Variants in SORCS1 observed in about 807,000 individuals in gnomAD.
SORCS1 encodes sortilin related VPS10 domain containing receptor 1, also known as VPS10 domain-containing receptor SorCS1.
A neutral mutation model predicts 146.1 loss-of-function variants in SORCS1; 60 were observed. The ratio of observed to expected loss-of-function variants is 0.41; its 90% confidence interval spans 0.33 to 0.51. The LOEUF (loss-of-function observed/expected upper bound fraction) is 0.51. Among genes scored for constraint, SORCS1 ranks in the 20% least tolerant of loss-of-function variants. SORCS1 has a pLI of 0.21. For missense variants in SORCS1, 1,352 were observed against 1,487.6 expected (o/e 0.91, Z 1.50); for synonymous variants, 637 against 584.0 (o/e 1.09, Z -1.31).
intron 2 of SORCS1, among the ~76,000 whole-genome samples, chr10:106,897,244 C>T (rs1589657804): frequency 6.6e-6 from 1 of 151,796 alleles, no homozygotes; most frequent in Non-Finnish European, 1.5e-5. Context: ...GCAGTGGTGT[C>T]ATCACAGTTC....
rs1399815868 is a variant in SORCS1, at chr10:106,574,870, G to T, written c.*2550C>A. On this transcript the variant is annotated 3_prime_UTR_variant, in exon 26 of 26. Transcript: ENST00000263054. ...CTGAATCTCTAGCTGGCCATCTTTG[G>T]TCACTTCCCAAAATGCCAGGTATCT... The T allele has an allele frequency of 1.3e-5, 2 of 152,482 alleles. No homozygotes were observed. Among genetic ancestry groups the T allele is most frequent in the African/African-American group, 2.4e-5 (1 of 41,406 alleles). 9.4% of individuals were successfully genotyped at this position (152,482 alleles called of 1,614,324 possible). A position where few individuals can be genotyped will look rare whatever the true frequency, so the allele number is the denominator to read the frequency against.
intron 5 of SORCS1, among the ~76,000 whole-genome samples, chr10:106,755,888 G>C (rs536144990): frequency 6.6e-6 from 1 of 152,254 alleles, no homozygotes; most frequent in South Asian, 2.1e-4. Context: ...TAGCACTTTG[G>C]GAGGCTGAGG....
At chr10:107,118,261 C>T (rs1272257825) in intron 1 of SORCS1, among the ~76,000 whole-genome samples, 1 of 152,190 alleles carries the variant, frequency 6.6e-6, no homozygotes, top group Non-Finnish European at 1.5e-5. Context: ...GACACCAAAT[C>T]CGTTGCTGCC....
intron 1 of SORCS1, among the ~76,000 whole-genome samples, chr10:107,161,339 T>C (rs1006308457): frequency 2.6e-5 from 4 of 152,102 alleles, no homozygotes; most frequent in Admixed American, 2.6e-4. Context: ...CCTGAATGGG[T>C]CTGGGGGCAG....
chr10:106,652,403 A>C lies in SORCS1; in HGVS notation c.2454T>G (p.Thr818=), dbSNP rs1264079474. The change falls in exon 18 of 26, where the codon ACT becomes ACG. Residue 818 remains threonine, a synonymous_variant. Transcript: ENST00000263054. ...KLTAEQGHNV[T]LMVQLEEGDV... ...CTACCTCTTCTAATTGCACCATGAG[A>C]GTGACGTTGTGTCCTTGTTCCGCTG... The C allele has an allele frequency of 6.2e-7, 1 of 1,614,112 alleles. No homozygotes were observed.
chr10:107,117,387 ACTG>A (rs915702471), intron 1 of SORCS1, among the ~76,000 whole-genome samples: 68 of 152,310 alleles, frequency 4.5e-4, no homozygotes, highest in African/African-American at 1.6e-3. Flanking sequence ...GACCATCAGG[ACTG>A]CTTTCTCAGG....
At chr10:106,871,701 T>C (rs980379711) in intron 2 of SORCS1, among the ~76,000 whole-genome samples, 8 of 152,116 alleles carry the variant, frequency 5.3e-5, no homozygotes, top group African/African-American at 1.7e-4. Context: ...TGAGCACTCA[T>C]GAACACCAAC....
At chr10:107,086,194 C>T (rs1330743748) in intron 1 of SORCS1, among the ~76,000 whole-genome samples, 2 of 152,096 alleles carry the variant, frequency 1.3e-5, no homozygotes. Context: ...AAACAGAAGT[C>T]CTAATCCATT....
intron 1 of SORCS1, among the ~76,000 whole-genome samples, chr10:107,092,550 T>C (rs1318497026): frequency 6.6e-6 from 1 of 152,190 alleles, no homozygotes; most frequent in Non-Finnish European, 1.5e-5. Flanking sequence ...CAGTCCAATA[T>C]GCCTGCCAGT....
chr10:106,979,445 C>T (rs1334088641), intron 1 of SORCS1, among the ~76,000 whole-genome samples: 1 of 152,044 alleles, frequency 6.6e-6, no homozygotes, highest in East Asian at 1.9e-4. Context: ...CAACAGTGGC[C>T]TCAAATCATG....
intron 5 of SORCS1, among the ~76,000 whole-genome samples, chr10:106,740,457 G>A (rs1361468453): frequency 1.3e-5 from 2 of 152,078 alleles, no homozygotes; most frequent in East Asian, 3.9e-4. Flanking sequence ...CTAGACATTA[G>A]GGGTTTAAAA....
At chr10:107,065,415 T>TTTCTTTCTTTC (rs1554937382) in intron 1 of SORCS1, among the ~76,000 whole-genome samples, 1 of 120,396 alleles carries the variant, frequency 8.3e-6, no homozygotes, top group East Asian at 2.2e-4. Flanking sequence ...TCTCTCTTTC[T>TTTCTTTCTTTC]TTTCTTTCTT....
intron 1 of SORCS1, among the ~76,000 whole-genome samples, chr10:107,059,435 T>C (rs1053159617): frequency 6.6e-6 from 1 of 152,224 alleles, no homozygotes; most frequent in African/African-American, 2.4e-5. Context: ...TTTGCTTTGT[T>C]TTCCACTGTT....
At chr10:107,120,379 C>A (rs1966323549) in intron 1 of SORCS1, among the ~76,000 whole-genome samples, 1 of 152,106 alleles carries the variant, frequency 6.6e-6, no homozygotes, top group South Asian at 2.1e-4. Flanking sequence ...TAAAAAAATT[C>A]ACTGCCTGTA....
intron 1 of SORCS1, among the ~76,000 whole-genome samples, chr10:107,038,676 C>A (rs191000425): frequency 8.4e-6 from 1 of 119,208 alleles, no homozygotes; most frequent in Admixed American, 8.1e-5. Context: ...CACTGCCCAC[C>A]CCCAACCCTG....
intron 9 of SORCS1, among the ~76,000 whole-genome samples, chr10:106,694,980 A>C (rs985181872): frequency 6.6e-6 from 1 of 152,166 alleles, no homozygotes; most frequent in South Asian, 2.1e-4. Context: ...GCTCCCTCTC[A>C]TCATCCACAC....
At chr10:107,071,096 G>A (rs1962383417) in intron 1 of SORCS1, among the ~76,000 whole-genome samples, 1 of 152,140 alleles carries the variant, frequency 6.6e-6, no homozygotes, top group African/African-American at 2.4e-5. Flanking sequence ...ACCGGCAGGA[G>A]TCAGAGTCAC....
intron 1 of SORCS1, among the ~76,000 whole-genome samples, chr10:107,000,110 T>C (rs1331399228): frequency 6.6e-6 from 1 of 152,208 alleles, no homozygotes; most frequent in Non-Finnish European, 1.5e-5. Context: ...CCTCTCCCCA[T>C]CAGCAATTAA....
chr10:107,152,943 C>T (rs1023405794), intron 1 of SORCS1, among the ~76,000 whole-genome samples: 2 of 152,042 alleles, frequency 1.3e-5, no homozygotes, highest in Non-Finnish European at 2.9e-5. Context: ...GTGGTCTCTC[C>T]GTGTCTCTTT....
Sources: allele counts gnomAD v4.1 joint callset (sites outside exome capture counted in the v4.1 genomes callset), GRCh38; gene constraint gnomAD v4.1.1; transcripts MANE v1.5; gene names NCBI Gene and HGNC (gene_info 2026-07-23, HGNC 2026-07-21).